The following ARFGEF2 variants were observed in gnomAD, a reference collection of about 807,000 sequenced individuals.
ARFGEF2 encodes the protein ARF guanine nucleotide exchange factor 2.
Under a neutral mutation model 219.9 loss-of-function variants are expected in ARFGEF2, and 74 were observed. The ratio of observed to expected loss-of-function variants is 0.34; its 90% confidence interval spans 0.28 to 0.41. ARFGEF2 has a LOEUF of 0.41. ARFGEF2 is among the 10% of genes least tolerant of loss of function. The pLI is 1.00. For missense variants in ARFGEF2, 1,743 were observed against 2,218.3 expected (o/e 0.79, Z 4.30); for synonymous variants, 733 against 799.2 (o/e 0.92, Z 1.40).
chr20:49,013,736 T>C, intron 29 of ARFGEF2, 42 bp downstream of exon 29: 1 of 1,613,988 alleles, frequency 6.2e-7, no homozygotes, highest in Non-Finnish European at 8.5e-7. Flanking sequence ...ATCACTGAAA[T>C]GAACCTCAGT....
At chr20:49,011,106 T>G (rs1414287192) in intron 27 of ARFGEF2, among the ~76,000 whole-genome samples, 4 of 152,192 alleles carry the variant, frequency 2.6e-5, no homozygotes, top group African/African-American at 9.6e-5. Context: ...GGAAAAAATA[T>G]GTGTGTTAGA....
intron 3 of ARFGEF2, 95 bp downstream of exon 3, chr20:48,942,082 G>A: frequency 6.6e-7 from 1 of 1,518,752 alleles, no homozygotes; most frequent in South Asian, 1.1e-5. Flanking sequence ...CTGGCACTCA[G>A]TGCTGTCAGA....
At chr20:48,953,430 C>T (rs533017774) in intron 5 of ARFGEF2, 126 bp from the exon 6 acceptor site, 2 of 868,464 alleles carry the variant, frequency 2.3e-6, no homozygotes, top group East Asian at 2.5e-5. Context: ...GCTGCCTCAG[C>T]CTTCCAAAGT....
In ARFGEF2 at chr20:49,034,398, C is replaced by A; in HGVS notation, c.*1199C>A. On this transcript the variant is annotated 3_prime_UTR_variant, in exon 39 of 39. Coordinates refer to ENST00000371917, the MANE Select transcript of ARFGEF2 (RefSeq NM_006420.3). Reference sequence around the variant, plus strand: ...GGTCCTTATTATGTTAATGATGGTGCAATACTCTCACCTGCAGTAGAACTG... The same window carrying A: ...GGTCCTTATTATGTTAATGATGGTGAAATACTCTCACCTGCAGTAGAACTG... 6.6e-6 allele frequency: 1 copy of A among 152,310 alleles called. No homozygotes were observed. 9.4% of individuals were successfully genotyped at this position (152,310 alleles called of 1,614,324 possible). A position where few individuals can be genotyped will look rare whatever the true frequency, so the allele number is the denominator to read the frequency against.
chr20:48,993,625 A>G (rs1029677859), intron 21 of ARFGEF2, among the ~76,000 whole-genome samples: 5 of 152,178 alleles, frequency 3.3e-5, no homozygotes, highest in African/African-American at 1.2e-4. Flanking sequence ...TCTGTGTGCC[A>G]TTCCTTGGTA....
intron 14 of ARFGEF2, among the ~76,000 whole-genome samples, chr20:48,978,924 G>T (rs2091278717): frequency 6.6e-6 from 1 of 152,186 alleles, no homozygotes; most frequent in Non-Finnish European, 1.5e-5. Context: ...TGCAAACAGG[G>T]ACAATTTGAC....
Position 48,991,560 on chromosome 20 carries a change from AGAAAT to A in ARFGEF2, c.2973+364_2973+368del, listed in dbSNP as rs1259658644. On this transcript the variant is annotated intron_variant, in intron 21 of 38. Transcript: ENST00000371917. ...TTAAGACAAAGCCAGGAGCCTGATT[AGAAAT>A]GGTTGATAGTCACAATGAGCTGTTA... 2.6e-5 allele frequency among the ~76,000 whole-genome samples: 4 copies of A among 151,894 alleles called. No individual in the cohort carries two copies. In the East Asian group the frequency reaches 5.8e-4, roughly 22 times the overall value.
chr20:48,973,514 G>T (rs1056784526), intron 12 of ARFGEF2, among the ~76,000 whole-genome samples: 8 of 152,166 alleles, frequency 5.3e-5, no homozygotes, highest in African/African-American at 1.9e-4. Context: ...AGTGCTGAAG[G>T]TGGGGTGCTG....
chr20:48,935,942 G>A (rs370039453), intron 1 of ARFGEF2, among the ~76,000 whole-genome samples: 16 of 129,680 alleles, frequency 1.2e-4, no homozygotes, highest in African/African-American at 2.5e-4. Flanking sequence ...CTGGCCGGGG[G>A]GGGGGGCTGA....
At chr20:48,925,697 T>C (rs1258840584) in intron 1 of ARFGEF2, among the ~76,000 whole-genome samples, 2 of 151,862 alleles carry the variant, frequency 1.3e-5, no homozygotes, top group African/African-American at 4.8e-5. Flanking sequence ...ATTAGCTGGG[T>C]GTGGTAGTGC....
intron 6 of ARFGEF2, among the ~76,000 whole-genome samples, chr20:48,958,291 C>CTT (rs2091117233): frequency 6.6e-6 from 1 of 152,162 alleles, no homozygotes; most frequent in Non-Finnish European, 1.5e-5. Context: ...GGTAAGGAAA[C>CTT]TGAGGCTTGG....
rs1030731359 is a variant in ARFGEF2 at position 49,025,462 on chromosome 20, G to A, written c.4905G>A (p.Arg1635=). The change falls in exon 36 of 39, where the codon CGG becomes CGA. Residue 1635 remains arginine (R), a synonymous_variant. Coordinates refer to ENST00000371917, the MANE Select transcript of ARFGEF2 (RefSeq NM_006420.3). ...SKAFNSNYEQ[R]TVLWRAGFKG... ...CCTTCAACTCCAATTACGAGCAGCG[G>A]ACTGTCCTGTGGCGAGCAGGTAAGG... The A allele has an allele frequency of 1.9e-6, 3 of 1,614,018 alleles. No individual in the cohort carries two copies. The highest frequency in any genetic ancestry group is 2.5e-6 in the Non-Finnish European group (3 of 1,179,958).
chr20:49,003,510 C>G (rs1050059205), intron 25 of ARFGEF2, among the ~76,000 whole-genome samples: 1 of 151,832 alleles, frequency 6.6e-6, no homozygotes, highest in Non-Finnish European at 1.5e-5. Flanking sequence ...GAGGTTGAGG[C>G]AGGAGAATTG....
At chr20:49,024,278 A>G (rs2091587273) in intron 35 of ARFGEF2, among the ~76,000 whole-genome samples, 1 of 152,124 alleles carries the variant, frequency 6.6e-6, no homozygotes, top group African/African-American at 2.4e-5. Flanking sequence ...TGGCCTACAT[A>G]TCAGATTCTT....
At chr20:48,960,694 G>A (rs2091143043) in intron 6 of ARFGEF2, among the ~76,000 whole-genome samples, 1 of 151,442 alleles carries the variant, frequency 6.6e-6, no homozygotes, top group Admixed American at 6.6e-5. Flanking sequence ...TGTTGACCAG[G>A]CTGGTCTCGA....
Position 49,017,281 on chromosome 20 carries a change from T to A in ARFGEF2, c.4348T>A (p.Cys1450Ser), listed in dbSNP as rs756288865. ...ACAGTTGGCGCGATCAGGTACAAAT[T>A]GCTTAGAAAACTTAGTAATATCCAA... ...NEQLARSGTN[C>S]LENLVISNGE... The change falls in exon 32 of 39, where the codon TGC becomes AGC. Residue 1450 changes from cysteine to serine, a missense_variant. Cys to Ser is a moderately radical substitution (Grantham distance 112). Coordinates refer to ENST00000371917, the MANE Select transcript of ARFGEF2 (RefSeq NM_006420.3). The A allele has an allele frequency of 1.9e-6, 3 of 1,614,014 alleles. No homozygotes were observed. In the East Asian group the frequency reaches 6.7e-5, roughly 36 times the overall value.
At chr20:49,008,711 T>G (rs1418798645) in intron 26 of ARFGEF2, among the ~76,000 whole-genome samples, 4 of 143,388 alleles carry the variant, frequency 2.8e-5, no homozygotes, top group Admixed American at 6.8e-5. Flanking sequence ...GTAAAGGTTT[T>G]TTTTTTTTTT....
chr20:48,942,269 A>G (rs918496934), intron 3 of ARFGEF2, among the ~76,000 whole-genome samples: 1 of 152,102 alleles, frequency 6.6e-6, no homozygotes, highest in African/African-American at 2.4e-5. Context: ...TAATTGGAAT[A>G]TTTGACACAC....
In ARFGEF2 at chr20:49,033,269, C is replaced by T. The variant is rs373799127; in HGVS notation, c.*70C>T. 462 of 1,566,620 alleles carry T rather than the reference C, an allele frequency of 2.9e-4. 1 individual carries two copies. In the African/African-American group the frequency reaches 3.5e-3, roughly 12 times the overall value. On this transcript the variant is annotated 3_prime_UTR_variant, in exon 39 of 39. Transcript: ENST00000371917. The stretch of plus-strand genomic sequence containing the variant: ...CATGCCATTTCTGACTGGCACATCT[C>T]GTGAAGTTTCATAGAAACAAGGAGT...
Sources: allele counts gnomAD v4.1 joint callset (sites outside exome capture counted in the v4.1 genomes callset), GRCh38; gene constraint gnomAD v4.1.1; transcripts MANE v1.5; gene names NCBI Gene and HGNC (gene_info 2026-07-23, HGNC 2026-07-21).